Variants in EFCAB3 observed in about 807,000 individuals in gnomAD.
EFCAB3 encodes the protein EF-hand calcium-binding domain-containing protein 3.
Under a neutral mutation model 42.2 loss-of-function variants are expected in EFCAB3, and 36 were observed. The ratio of observed to expected loss-of-function variants is 0.85; its 90% CI spans 0.65 to 1.13. EFCAB3 has a LOEUF of 1.13. Ranked by LOEUF, EFCAB3 falls within the 50% of genes most tolerant of loss-of-function variation. The pLI, the probability that EFCAB3 is intolerant of heterozygous loss-of-function variation, is 0.00. For missense variants in EFCAB3, 418 were observed against 505.1 expected, an observed-to-expected ratio of 0.83 and a Z score of 1.65; for synonymous variants, 170 against 172.8, an observed-to-expected ratio of 0.98 and a Z score of 0.13.
At chr17:62,393,958 CTT>C (rs34962512) in intron 5 of EFCAB3, among the ~76,000 whole-genome samples, 2,052 of 141,770 alleles carry the variant, frequency 0.014, 26 homozygotes, top group Middle Eastern at 0.068. Context: ...ATTATTTTGT[CTT>C]TTTTTTTTTT....
At position 62,407,081 on chromosome 17, in the gene EFCAB3, T is replaced by C; in HGVS notation, c.736T>C (p.Phe246Leu). 6.2e-7 allele frequency: 1 copy of C among 1,610,260 alleles called. No individual in the cohort carries two copies. The highest frequency in any genetic ancestry group is 8.5e-7 in the Non-Finnish European group (1 of 1,178,886). ...TTCAAAAATACCCATCTTTCCATTG[T>C]TCCCTAATGTGGATGGGGTGGTGAT... is the stretch of plus-strand genomic sequence containing the variant. ...PYSKIPIFPL[F>L]PNVDGVVMGK... Residue 246 changes from phenylalanine (F) to leucine (L), a missense_variant, in exon 8 of 10, where the codon TTC becomes CTC. Physicochemically the swap from Phe to Leu is conservative, Grantham distance 22. Transcript: ENST00000305286.
intron 8 of EFCAB3, among the ~76,000 whole-genome samples, chr17:62,412,221 C>CAA (rs1338054547): frequency 6.6e-6 from 1 of 151,406 alleles, no homozygotes; most frequent in African/African-American, 2.4e-5. Context: ...ACTAAAAATA[C>CAA]AAAATGTAGC....
chr17:62,414,606 TG>T, intron 9 of EFCAB3, among the ~76,000 whole-genome samples: 1 of 152,244 alleles, frequency 6.6e-6, no homozygotes, highest in African/African-American at 2.4e-5. Flanking sequence ...TGTGTGTGTG[TG>T]TGTGTTTAAA....
upstream of EFCAB3, among the ~76,000 whole-genome samples, chr17:62,380,297 C>T (rs2070185715): frequency 6.6e-6 from 1 of 152,226 alleles, no homozygotes; most frequent in Non-Finnish European, 1.5e-5. Flanking sequence ...CCACCACACC[C>T]AGCCTGATGA....
At chr17:62,383,710 G>T (rs2070224231) in intron 2 of EFCAB3, among the ~76,000 whole-genome samples, 1 of 152,056 alleles carries the variant, frequency 6.6e-6, no homozygotes, top group African/African-American at 2.4e-5. Flanking sequence ...AATACCCTAG[G>T]GGGCTCAAGA....
Position 62,406,584 on chromosome 17 carries a change from C to T in EFCAB3, c.593C>T (p.Pro198Leu). The T allele has an allele frequency of 6.2e-7, 1 of 1,614,052 alleles. No homozygotes were observed. Among genetic ancestry groups the T allele is most frequent in the African/African-American group, 1.3e-5 (1 of 75,016 alleles). ...CTTAAGCCAGACATATGCACACCTCCAAGCTCAAGCATGGCTGCCTTTGCT... is the reference window on the plus strand; with the variant it reads ...CTTAAGCCAGACATATGCACACCTCTAAGCTCAAGCATGGCTGCCTTTGCT... Reference protein sequence around the residue: ...RTLKPDICTPPSSSMAAFANA... With the variant: ...RTLKPDICTPLSSSMAAFANA... Residue 198 changes from proline to leucine, a missense_variant, in exon 7 of 10, where the codon CCA becomes CTA. By Grantham distance (98) the Pro-to-Leu change is moderately conservative. Transcript: ENST00000305286.
upstream of EFCAB3, chr17:62,378,054 A>T: frequency 6.6e-7 from 1 of 1,507,904 alleles, no homozygotes; most frequent in Non-Finnish European, 9.0e-7. Context: ...CATTGTAAAG[A>T]TGGGGCTTAA....
intron 6 of EFCAB3, among the ~76,000 whole-genome samples, chr17:62,403,075 G>A (rs533972964): frequency 4.1e-4 from 62 of 152,228 alleles, no homozygotes; most frequent in Admixed American, 3.3e-3. Context: ...GTTTATTTGC[G>A]TAGAGGTGTT....
At chr17:62,381,508 G>A (rs1285271009) in intron 1 of EFCAB3, among the ~76,000 whole-genome samples, 1 of 152,084 alleles carries the variant, frequency 6.6e-6, no homozygotes, top group Admixed American at 6.6e-5. Context: ...AAAGGCGACG[G>A]TAATTCACAA....
At chr17:62,377,457 T>G (rs1403445802), upstream of EFCAB3, among the ~76,000 whole-genome samples, 1 of 152,210 alleles carries the variant, frequency 6.6e-6, no homozygotes, top group African/African-American at 2.4e-5. Context: ...AGAAAAAAAG[T>G]TAAATCTGTA....
intron 9 of EFCAB3, 100 bp downstream of exon 9, chr17:62,413,954 A>G (rs900051849): frequency 7.7e-7 from 1 of 1,302,488 alleles, no homozygotes; most frequent in Non-Finnish European, 1.0e-6. Flanking sequence ...TATCTGCTCT[A>G]TGTCTTTAAA....
chr17:62,394,036 G>A (rs2070327634), intron 5 of EFCAB3, among the ~76,000 whole-genome samples: 1 of 151,550 alleles, frequency 6.6e-6, no homozygotes, highest in Admixed American at 6.6e-5. Flanking sequence ...CTCACTGCAA[G>A]CTCCGCCCCC....
rs562629186 is a variant in EFCAB3, at chr17:62,395,201, G to A, written c.488+13G>A. On this transcript the variant is annotated intron_variant, in intron 6 of 9. Transcript: ENST00000305286. ...TAGAAATAGTAAGGTAAGTGAGAAG[G>A]AAAGGAGCAAAAACAGCCTTCTCAG... is the stretch of plus-strand genomic sequence containing the variant. 8.7e-6 allele frequency: 14 copies of A among 1,609,044 alleles called. No homozygotes were observed. The South Asian group carries it at 1.6e-4, about 18-fold the overall frequency.
Position 62,387,367 on chromosome 17 carries a change from A to G in EFCAB3, c.102A>G (p.Gln34=). 3 of 1,611,912 alleles carry G rather than the reference A, an allele frequency of 1.9e-6. No homozygotes were observed. Among genetic ancestry groups the G allele is most frequent in the Non-Finnish European group, 2.5e-6 (3 of 1,178,744 alleles). Residue 34 remains glutamine (Q), a synonymous_variant, in exon 3 of 10, where the codon CAA becomes CAG. Coordinates refer to ENST00000305286, the MANE Select transcript of EFCAB3 (RefSeq NM_173503.4). ...KRDRDLPGSL[Q]CQLQHKEKKL... is the part of the protein sequence containing the mutation. ...ATAGAGACTTACCAGGATCTCTTCA[A>G]TGCCAATTACAACACAAAGAAAAGA...
At chr17:62,411,878 AAGGAAGGAAGGAAGGAAGGAAGGAAGGG>A (rs1231429673) in intron 8 of EFCAB3, among the ~76,000 whole-genome samples, 103 of 63,106 alleles carry the variant, frequency 1.6e-3, no homozygotes, top group South Asian at 0.015. Context: ...GGAAGGAAGG[AAGGAAGGAAGGAAGGAAGGAAGGAAGGG>A]AGGGAGGGAG....
At chr17:62,407,265 A>T in intron 8 of EFCAB3, 53 bp downstream of exon 8, 1 of 1,395,264 alleles carries the variant, frequency 7.2e-7, no homozygotes. Flanking sequence ...TTAAGCACTA[A>T]CTTAACAGAA....
intron 6 of EFCAB3, among the ~76,000 whole-genome samples, 190 bp downstream of exon 6, chr17:62,395,378 A>T (rs1033157393): frequency 6.6e-6 from 1 of 152,162 alleles, no homozygotes; most frequent in Non-Finnish European, 1.5e-5. Context: ...AGTCCTTCCC[A>T]GCTCTAAAAC....
intron 9 of EFCAB3, among the ~76,000 whole-genome samples, chr17:62,415,257 G>C (rs1241523153): frequency 1.3e-5 from 2 of 151,940 alleles, no homozygotes; most frequent in Non-Finnish European, 2.9e-5. Context: ...CCAACATGAA[G>C]AGCCAACCAT....
intron 6 of EFCAB3, among the ~76,000 whole-genome samples, chr17:62,397,078 C>T (rs1040316768): frequency 2.0e-5 from 3 of 152,092 alleles, no homozygotes; most frequent in Non-Finnish European, 4.4e-5. Context: ...AACTCGGGCT[C>T]TTATCTATCT....
Sources: gnomAD v4.1 joint callset for allele counts (sites outside exome capture counted in the v4.1 genomes callset) on GRCh38, gnomAD v4.1.1 for gene constraint, MANE v1.5 for transcripts, NCBI Gene and HGNC (gene_info 2026-07-23, HGNC 2026-07-21) for gene names.